DENND2A: variants seen among roughly 807,000 people sequenced by gnomAD.
The protein encoded by DENND2A is DENN domain-containing protein 2A.
DENND2A carries 53 observed loss-of-function variants against 105.3 expected under a neutral mutation model. That is an observed-to-expected ratio of 0.50 (90% confidence interval 0.40 to 0.63). DENND2A has a LOEUF of 0.63. Among genes scored for constraint, DENND2A ranks in the 30% least tolerant of loss-of-function variants. DENND2A has a pLI of 0.00. For missense variants in DENND2A, 1,138 were observed against 1,279.6 expected (o/e 0.89, Z 1.69); for synonymous variants, 522 against 508.4 (o/e 1.03, Z -0.36).
chr7:140,628,678 T>G (rs1800625698), intron 1 of DENND2A, among the ~76,000 whole-genome samples: 6 of 151,500 alleles, frequency 4.0e-5, no homozygotes, highest in Admixed American at 1.3e-4. Flanking sequence ...TAGCTGGAAC[T>G]ACAGGCATGC....
chr7:140,620,349 T>TGG (rs10708233), intron 1 of DENND2A, among the ~76,000 whole-genome samples: 5 of 100,206 alleles, frequency 5.0e-5, no homozygotes, highest in African/African-American at 1.2e-4. Context: ...TTAAAAGGGG[T>TGG]GGGGGGGGGG....
At chr7:140,575,657 TGCAA>T (rs1798267207) in intron 5 of DENND2A, among the ~76,000 whole-genome samples, 1 of 152,172 alleles carries the variant, frequency 6.6e-6, no homozygotes, top group Non-Finnish European at 1.5e-5. Flanking sequence ...TGGAATACCA[TGCAA>T]TTATTTAAAA....
chr7:140,591,675 TTC>T (rs763298011), intron 3 of DENND2A, among the ~76,000 whole-genome samples: 45 of 137,300 alleles, frequency 3.3e-4, no homozygotes, highest in Non-Finnish European at 6.0e-4. Flanking sequence ...TTCTTTCTCT[TTC>T]TTTCTTTCTT....
intron 12 of DENND2A, among the ~76,000 whole-genome samples, chr7:140,547,918 C>T (rs955926090): frequency 6.6e-6 from 1 of 151,968 alleles, no homozygotes; most frequent in African/African-American, 2.4e-5. Context: ...ATGAAATGTC[C>T]AGAATAGAAA....
At chr7:140,603,510 T>C (rs1799593611) in intron 2 of DENND2A, among the ~76,000 whole-genome samples, 1 of 152,186 alleles carries the variant, frequency 6.6e-6, no homozygotes, top group Non-Finnish European at 1.5e-5. Context: ...GAACCTCCTC[T>C]GGAATGGGGC....
chr7:140,601,429 C>A lies in DENND2A; in HGVS notation c.969G>T (p.Gly323=). 6.2e-7 allele frequency: 1 copy of A among 1,606,550 alleles called. No individual in the cohort carries two copies. Among genetic ancestry groups the A allele is most frequent in the Non-Finnish European group, 8.5e-7 (1 of 1,176,742 alleles). Residue 323 remains glycine, a synonymous_variant, in exon 3 of 20, where the codon GGG becomes GGT. Transcript: ENST00000496613. ...PSSVNRRLWT[G]RQKSSADHRK... ...TGTGGTCTGCACTGGATTTCTGTCT[C>A]CCGGTCCACAGTCTTCTGTTCACAG...
At chr7:140,613,715 A>C (rs757569350) in intron 1 of DENND2A, among the ~76,000 whole-genome samples, 6 of 152,120 alleles carry the variant, frequency 3.9e-5, no homozygotes, top group Non-Finnish European at 7.3e-5. Context: ...ATTGTGAAAC[A>C]AAAATAAAAT....
chr7:140,639,662 C>A (rs1331724970), intron 1 of DENND2A, among the ~76,000 whole-genome samples: 1 of 152,198 alleles, frequency 6.6e-6, no homozygotes, highest in Non-Finnish European at 1.5e-5. Context: ...ACTCTGTTAC[C>A]CCCAGCCCAT....
intron 1 of DENND2A, among the ~76,000 whole-genome samples, chr7:140,639,815 A>T (rs776182772): frequency 9.9e-5 from 15 of 152,140 alleles, no homozygotes; most frequent in Admixed American, 1.3e-4. Flanking sequence ...AGCCCTGACC[A>T]GTTTCCTGCT....
At chr7:140,580,008 C>T (rs1798473455) in intron 5 of DENND2A, among the ~76,000 whole-genome samples, 1 of 152,050 alleles carries the variant, frequency 6.6e-6, no homozygotes, top group African/African-American at 2.4e-5. Context: ...GTGGTGGACG[C>T]CCATAGTCCC....
chr7:140,534,285 A>G (rs925042653), intron 14 of DENND2A, among the ~76,000 whole-genome samples: 1 of 150,760 alleles, frequency 6.6e-6, no homozygotes, highest in Non-Finnish European at 1.5e-5. Context: ...GGGTTTCACC[A>G]TGTTGGCCTG....
In DENND2A at chr7:140,527,009, G is replaced by A. The variant is rs528101017; in HGVS notation, c.2505+309C>T. 1.2e-3 allele frequency among the ~76,000 whole-genome samples: 176 copies of A among 152,290 alleles called. No homozygotes were observed. Among genetic ancestry groups the A allele is most frequent in the African/African-American group, 4.0e-3 (167 of 41,564 alleles). Reference sequence around the variant, plus strand: ...ATGTGGGGGAGTGGGCGAGAGGGCAGGGGAGAGGAGAGGGCTATTAATGAC... The same window carrying A: ...ATGTGGGGGAGTGGGCGAGAGGGCAAGGGAGAGGAGAGGGCTATTAATGAC... On this transcript the variant is annotated intron_variant, in intron 15 of 19. Coordinates refer to ENST00000496613, the MANE Select transcript of DENND2A (RefSeq NM_015689.5). This position sits in a 1 kb window ranked among gnomAD's most constrained non-coding sequence, Gnocchi z 4.9.
chr7:140,630,731 C>T (rs1211363970), intron 1 of DENND2A, among the ~76,000 whole-genome samples: 1 of 152,084 alleles, frequency 6.6e-6, no homozygotes, highest in Non-Finnish European at 1.5e-5. Flanking sequence ...CATGGTGGCA[C>T]ACACCTGTAA....
chr7:140,634,003 T>C (rs990856756), intron 1 of DENND2A, among the ~76,000 whole-genome samples: 2 of 151,686 alleles, frequency 1.3e-5, no homozygotes, highest in Admixed American at 6.6e-5. Flanking sequence ...AGATTTCTTT[T>C]TTTTTTTTTT....
At chr7:140,583,048 T>G (rs1798606486) in intron 5 of DENND2A, among the ~76,000 whole-genome samples, 1 of 151,956 alleles carries the variant, frequency 6.6e-6, no homozygotes, top group African/African-American at 2.4e-5. Flanking sequence ...TCTCAACACT[T>G]TGGGAGGCTG....
intron 13 of DENND2A, among the ~76,000 whole-genome samples, chr7:140,545,322 A>G (rs1334085635): frequency 6.6e-6 from 1 of 152,006 alleles, no homozygotes; most frequent in Non-Finnish European, 1.5e-5. Context: ...ATTTCTGATG[A>G]TATGTGCTTT....
intron 14 of DENND2A, among the ~76,000 whole-genome samples, chr7:140,542,086 T>G (rs1391108909): frequency 1.3e-5 from 2 of 152,126 alleles, no homozygotes; most frequent in Admixed American, 1.3e-4. Flanking sequence ...TCTTTCCAGA[T>G]GGACTTCTCA....
At chr7:140,633,497 T>C (rs957873743) in intron 1 of DENND2A, among the ~76,000 whole-genome samples, 5 of 152,294 alleles carry the variant, frequency 3.3e-5, no homozygotes, top group African/African-American at 9.6e-5. Flanking sequence ...ACTTTGTGTA[T>C]ATGGTTACCC....
At chr7:140,539,393 G>A (rs1051606657) in intron 14 of DENND2A, among the ~76,000 whole-genome samples, 16 of 152,192 alleles carry the variant, frequency 1.1e-4, no homozygotes, top group African/African-American at 3.4e-4. Flanking sequence ...GAGGCGGGGA[G>A]GGCCCTGAGG....
Sources: gnomAD v4.1 joint callset for allele counts (sites outside exome capture counted in the v4.1 genomes callset) on GRCh38, gnomAD v4.1.1 for gene constraint, Gnocchi (gnomAD v3.1) non-coding constraint, MANE v1.5 for transcripts, NCBI Gene and HGNC (gene_info 2026-07-23, HGNC 2026-07-21) for gene names.